Variants in CCSER2 observed in about 807,000 individuals in gnomAD.
CCSER2 encodes coiled-coil serine rich protein 2.
In CCSER2, 46 loss-of-function variants were observed where a neutral mutation model predicts 92.3. That is an observed-to-expected ratio of 0.50 (90% CI 0.39 to 0.64). The LOEUF (loss-of-function observed/expected upper bound fraction) is 0.64, where lower values mean the gene tolerates loss of function less well. Ranked by LOEUF, CCSER2 falls within the 30% of genes least tolerant of loss-of-function variation. CCSER2 has a pLI of 0.00. For synonymous variants in CCSER2, 433 were observed against 431.4 expected (o/e 1.00, Z -0.04); for missense variants, 1,244 against 1,238.9 (o/e 1.00, Z -0.06).
At chr10:84,476,587 G>T (rs544256855) in intron 8 of CCSER2, among the ~76,000 whole-genome samples, 2 of 151,854 alleles carry the variant, frequency 1.3e-5, no homozygotes, top group South Asian at 4.2e-4. Flanking sequence ...GGGACTACAG[G>T]TGCCCGCCAC....
intron 3 of CCSER2, among the ~76,000 whole-genome samples, chr10:84,400,662 C>A (rs1033769071): frequency 1.3e-5 from 2 of 152,110 alleles, no homozygotes; most frequent in Non-Finnish European, 2.9e-5. Flanking sequence ...GCCTGTAATC[C>A]CAGCACTTTG....
chr10:84,461,776 AT>A (rs1253413565), intron 6 of CCSER2, among the ~76,000 whole-genome samples: 1 of 150,126 alleles, frequency 6.7e-6, no homozygotes, highest in African/African-American at 2.5e-5. Flanking sequence ...CTTCTGTGTC[AT>A]TTTGGTGTTG....
At chr10:84,415,907 A>T (rs1000612917) in intron 3 of CCSER2, among the ~76,000 whole-genome samples, 25 of 152,156 alleles carry the variant, frequency 1.6e-4, no homozygotes, top group Non-Finnish European at 3.7e-4. Flanking sequence ...GGGCCTGCAG[A>T]TCGATGCTGC....
chr10:84,370,982 A>G, intron 1 of CCSER2, 32 bp from the exon 2 acceptor site: 1 of 917,882 alleles, frequency 1.1e-6, no homozygotes. Context: ...TTATTTAGGA[A>G]TGTTTAATGT....
intron 6 of CCSER2, among the ~76,000 whole-genome samples, chr10:84,439,193 C>CTTT (rs1844371784): frequency 1.2e-4 from 7 of 57,986 alleles, no homozygotes; most frequent in Admixed American, 2.0e-4. Context: ...TTTTTTTTTT[C>CTTT]TTTTCTTTTT....
intron 3 of CCSER2, among the ~76,000 whole-genome samples, chr10:84,405,190 A>G (rs1262724883): frequency 6.6e-6 from 1 of 152,224 alleles, no homozygotes; most frequent in Non-Finnish European, 1.5e-5. Context: ...TGGCCTGTGG[A>G]TCTTTGACAA....
chr10:84,500,073 G>A lies in CCSER2; in HGVS notation c.2326-13376G>A. 4.1e-6 allele frequency: 6 copies of A among 1,446,942 alleles called. No homozygotes were observed. In the East Asian group the frequency reaches 1.2e-4, roughly 28 times the overall value. 89.6% of individuals were successfully genotyped at this position (1,446,942 alleles called of 1,614,324 possible). On this transcript the variant is annotated intron_variant, in intron 9 of 9. Coordinates refer to ENST00000372088, the MANE Select transcript of CCSER2 (RefSeq NM_001284240.2). ...CTTTTCTATCCTGAGTGCTCTGCAGGCATCTGCTAAAGCAGCACTCTCTGT... is the reference window on the plus strand; with the variant it reads ...CTTTTCTATCCTGAGTGCTCTGCAGACATCTGCTAAAGCAGCACTCTCTGT...
chr10:84,503,536 T>G (rs1461972022), intron 9 of CCSER2, among the ~76,000 whole-genome samples: 1 of 152,148 alleles, frequency 6.6e-6, no homozygotes, highest in East Asian at 1.9e-4. Context: ...GTAGGAAAAT[T>G]TAATAAAAAT....
chr10:84,433,422 AC>A (rs1843905706), intron 5 of CCSER2, among the ~76,000 whole-genome samples: 1 of 143,682 alleles, frequency 7.0e-6, no homozygotes, highest in East Asian at 2.1e-4. Flanking sequence ...AAATCTCCCC[AC>A]CCCACACACA....
In CCSER2 at chr10:84,455,739, C is replaced by T. The variant is rs186055213; in HGVS notation, c.2065-8194C>T. ...TCAAATGACCTCTCTGTAAAATGCA[C>T]CTGCACATTCTCAGAGGGAACTTGA... On this transcript the variant is annotated intron_variant, in intron 6 of 9. Coordinates refer to ENST00000372088, the MANE Select transcript of CCSER2 (RefSeq NM_001284240.2). 1,576 of 981,844 alleles carry T rather than the reference C, an allele frequency of 1.6e-3. 1 individual carries two copies. The highest frequency in any genetic ancestry group is 2.2e-3 in the Non-Finnish European group (1,324 of 610,230). The allele number at this position is 981,844 out of a possible 1,614,324, so 60.8% of individuals were successfully genotyped here.
rs1319745949 is a variant in CCSER2, at chr10:84,514,101, C to T, written c.2978C>T (p.Thr993Ile). 4.6e-6 allele frequency: 7 copies of T among 1,536,130 alleles called. No individual in the cohort carries two copies. In the South Asian group the frequency reaches 5.9e-5, roughly 13 times the overall value. The change falls in exon 10 of 10, where the codon ACA becomes ATA. Residue 993 changes from threonine to isoleucine, a missense_variant. Coordinates refer to ENST00000372088, the MANE Select transcript of CCSER2 (RefSeq NM_001284240.2). Reference protein sequence around the residue: ...PPSGSFKQKQTNSPQLEPQSF... With the variant: ...PPSGSFKQKQINSPQLEPQSF... ...TCAGGCTCTTTCAAACAAAAACAAACAAACAGCCCCCAACTAGAGCCTCAA... is the reference window on the plus strand; with the variant it reads ...TCAGGCTCTTTCAAACAAAAACAAATAAACAGCCCCCAACTAGAGCCTCAA...
At chr10:84,427,820 T>C (rs1843522117) in intron 5 of CCSER2, among the ~76,000 whole-genome samples, 1 of 152,140 alleles carries the variant, frequency 6.6e-6, no homozygotes, top group South Asian at 2.1e-4. Context: ...AACTGAAACC[T>C]AGCTCTTTCC....
chr10:84,480,888 T>C (rs1469755685), intron 9 of CCSER2, among the ~76,000 whole-genome samples: 1 of 152,242 alleles, frequency 6.6e-6, no homozygotes, highest in Non-Finnish European at 1.5e-5. Context: ...GCTATTAATA[T>C]TTGGTTTGAT....
intron 3 of CCSER2, among the ~76,000 whole-genome samples, chr10:84,385,372 G>C (rs1170931288): frequency 6.6e-6 from 1 of 152,140 alleles, no homozygotes; most frequent in Non-Finnish European, 1.5e-5. Context: ...CAAAGCTGTA[G>C]TAACCAAAAC....
rs968033760 is a variant in CCSER2 at position 84,514,987 on chromosome 10, A to G, written c.*720A>G. ...CATGCACACACACATATACACACAC[A>G]TACCATTTATGTTTGTATTTGTTAC... On this transcript the variant is annotated 3_prime_UTR_variant, in exon 10 of 10. Coordinates refer to ENST00000372088, the MANE Select transcript of CCSER2 (RefSeq NM_001284240.2). 2 of 152,652 alleles carry G rather than the reference A, an allele frequency of 1.3e-5. No individual in the cohort carries two copies. Among genetic ancestry groups the G allele is most frequent in the Non-Finnish European group, 2.9e-5 (2 of 68,050 alleles). 9.5% of individuals were successfully genotyped at this position (152,652 alleles called of 1,614,324 possible).
intron 3 of CCSER2, among the ~76,000 whole-genome samples, chr10:84,414,800 G>A (rs1179618161): frequency 6.6e-6 from 1 of 151,910 alleles, no homozygotes; most frequent in Non-Finnish European, 1.5e-5. Flanking sequence ...TATAGGTTTG[G>A]TCTCTTTACA....
At chr10:84,396,785 T>C (rs180690607) in intron 3 of CCSER2, among the ~76,000 whole-genome samples, 1 of 152,200 alleles carries the variant, frequency 6.6e-6, no homozygotes, top group East Asian at 1.9e-4. Flanking sequence ...GATCGACCCG[T>C]CTTGGCCTTC....
intron 3 of CCSER2, among the ~76,000 whole-genome samples, chr10:84,399,445 G>A (rs954499351): frequency 5.3e-5 from 8 of 152,186 alleles, no homozygotes; most frequent in South Asian, 2.1e-4. Context: ...GAAATCTCTC[G>A]GAGTAGGAAT....
intron 1 of CCSER2, among the ~76,000 whole-genome samples, chr10:84,350,860 G>A (rs988902326): frequency 6.6e-6 from 1 of 152,138 alleles, no homozygotes; most frequent in African/African-American, 2.4e-5. Context: ...ATTTATAAGC[G>A]CTTCAGCTTT....
Sources: gnomAD v4.1 joint callset for allele counts (sites outside exome capture counted in the v4.1 genomes callset) on GRCh38, gnomAD v4.1.1 for gene constraint, MANE v1.5 for transcripts, NCBI Gene and HGNC (gene_info 2026-07-23, HGNC 2026-07-21) for gene names.